The following CYB5A variants were observed in gnomAD, a reference collection of about 807,000 sequenced individuals.
CYB5A encodes cytochrome b5.
CYB5A carries 10 observed loss-of-function variants against 16.2 expected under a neutral mutation model. The ratio of observed to expected loss-of-function variants is 0.62; its 90% CI spans 0.38 to 1.04. The LOEUF (loss-of-function observed/expected upper bound fraction) is 1.04, where lower values mean the gene tolerates loss of function less well. Among genes scored for constraint, CYB5A ranks in the 50% least tolerant of loss-of-function variants. CYB5A has a pLI of 0.01. For synonymous variants in CYB5A, 62 were observed against 57.0 expected (o/e 1.09, Z -0.40); for missense variants, 161 against 165.9 (o/e 0.97, Z 0.16).
At chr18:74,274,216 T>C (rs1982780667) in intron 1 of CYB5A, among the ~76,000 whole-genome samples, 1 of 152,196 alleles carries the variant, frequency 6.6e-6, no homozygotes, top group Non-Finnish European at 1.5e-5. Context: ...GACATGATCT[T>C]GGGATGGGTT....
At chr18:74,260,705 TA>T (rs1450581220) in intron 3 of CYB5A, 8 of 641,098 alleles carry the variant, frequency 1.2e-5, no homozygotes, top group Non-Finnish European at 2.0e-5. Flanking sequence ...CTGACAGCCT[TA>T]AAAAAATTAC....
At chr18:74,284,039 C>T (rs1466629976) in intron 1 of CYB5A, among the ~76,000 whole-genome samples, 2 of 152,194 alleles carry the variant, frequency 1.3e-5, no homozygotes, top group South Asian at 4.2e-4. Context: ...TTGAGACCAA[C>T]CTGACCAACA....
At chr18:74,261,022 CT>C in intron 2 of CYB5A, 78 bp from the exon 3 acceptor site, 1 of 1,110,570 alleles carries the variant, frequency 9.0e-7, no homozygotes, top group Non-Finnish European at 1.4e-6. Context: ...GACTTTGAGA[CT>C]TTTTAAAATT....
intron 1 of CYB5A, among the ~76,000 whole-genome samples, chr18:74,279,998 T>C (rs1197661435): frequency 1.3e-5 from 2 of 152,106 alleles, no homozygotes; most frequent in Admixed American, 1.3e-4. Context: ...ATGAGTACAT[T>C]ATACCGTATG....
intron 2 of CYB5A, among the ~76,000 whole-genome samples, chr18:74,262,481 G>A (rs1003368246): frequency 3.4e-5 from 5 of 149,064 alleles, no homozygotes; most frequent in African/African-American, 1.2e-4. Context: ...GAAAAGAAAA[G>A]CCAAATTAGG....
At chr18:74,268,975 T>C (rs1261376588) in intron 1 of CYB5A, among the ~76,000 whole-genome samples, 1 of 152,216 alleles carries the variant, frequency 6.6e-6, no homozygotes, top group African/African-American at 2.4e-5. Context: ...ACCCAGGGAA[T>C]ACCAATACAA....
intron 4 of CYB5A, 58 bp downstream of exon 4, chr18:74,255,683 A>T: frequency 6.8e-7 from 1 of 1,472,090 alleles, no homozygotes; most frequent in Non-Finnish European, 9.5e-7. Context: ...CACCTTGTCC[A>T]ACCTGGACCC....
chr18:74,262,664 T>C (rs2145047006), intron 2 of CYB5A, among the ~76,000 whole-genome samples: 1 of 152,292 alleles, frequency 6.6e-6, no homozygotes, highest in Non-Finnish European at 1.5e-5. Context: ...AACTAAAATA[T>C]CCTTGGCCTA....
chr18:74,256,865 G>A (rs376476347), intron 3 of CYB5A: 5 of 1,612,426 alleles, frequency 3.1e-6, no homozygotes, highest in Non-Finnish European at 4.2e-6. Context: ...TGACACAGTA[G>A]GGGAAAAAAG....
At chr18:74,285,619 T>C (rs1983287220) in intron 1 of CYB5A, among the ~76,000 whole-genome samples, 1 of 151,950 alleles carries the variant, frequency 6.6e-6, no homozygotes, top group African/African-American at 2.4e-5. Context: ...ATCCCAGCAC[T>C]CTGGGAGGCC....
intron 1 of CYB5A, among the ~76,000 whole-genome samples, chr18:74,275,302 C>A (rs1251446336): frequency 6.6e-6 from 1 of 152,136 alleles, no homozygotes; most frequent in East Asian, 1.9e-4. Context: ...CTACATATCT[C>A]ATGTGGTTAA....
chr18:74,271,968 A>G (rs1430413368), intron 1 of CYB5A, among the ~76,000 whole-genome samples: 1 of 152,230 alleles, frequency 6.6e-6, no homozygotes, highest in East Asian at 1.9e-4. Context: ...AAAGAGATGT[A>G]GAAAGTAAAA....
At chr18:74,278,169 A>G (rs1982955662) in intron 1 of CYB5A, among the ~76,000 whole-genome samples, 1 of 152,208 alleles carries the variant, frequency 6.6e-6, no homozygotes, top group Non-Finnish European at 1.5e-5. Context: ...TGACGGAGCC[A>G]GTTAGGGGAG....
At position 74,291,854 on chromosome 18, in the gene CYB5A, C is replaced by T. The variant is rs956228194; in HGVS notation, c.22G>A (p.Ala8Thr). 1.9e-6 allele frequency: 3 copies of T among 1,613,434 alleles called. No homozygotes were observed. The highest frequency in any genetic ancestry group is 2.2e-5 in the South Asian group (2 of 91,066). The change falls in exon 1 of 5, where the codon GCC becomes ACC. Residue 8 changes from alanine (A) to threonine (T), a missense_variant. Physicochemically the swap from Ala to Thr is moderately conservative, Grantham distance 58. Transcript: ENST00000340533. MAEQSDE[A>T]VKYYTLEEIQ... The stretch of plus-strand genomic sequence containing the variant: ...TCCTCTAGGGTGTAGTACTTCACGG[C>T]CTCGTCCGACTGCTCTGCCATCTCG...
chr18:74,255,290 C>G (rs116708161), intron 4 of CYB5A, among the ~76,000 whole-genome samples: 1 of 152,086 alleles, frequency 6.6e-6, no homozygotes, highest in Admixed American at 6.6e-5. Context: ...ACAATTGAGT[C>G]GTGCTACACA....
chr18:74,263,799 A>C (rs2850586), intron 1 of CYB5A, among the ~76,000 whole-genome samples: 150,897 of 152,196 alleles, frequency 0.99, 74,820 homozygotes, highest in Middle Eastern at 1. Flanking sequence ...GCAGTCCCAG[A>C]TACATGAGAG....
Position 74,291,958 on chromosome 18 carries a change from A to C in CYB5A, c.-83T>G. On this transcript the variant is annotated 5_prime_UTR_variant, in exon 1 of 5. Transcript: ENST00000340533. ...CGCGACTCAGCCAGCTCCACCCGGG[A>C]CATTCCCCGCGCCGGGAACCCCACT... 1 of 1,596,058 alleles carries C rather than the reference A, an allele frequency of 6.3e-7. No individual in the cohort carries two copies. Among genetic ancestry groups the C allele is most frequent in the Non-Finnish European group, 8.5e-7 (1 of 1,176,370 alleles).
At chr18:74,273,842 T>G (rs1457469966) in intron 1 of CYB5A, among the ~76,000 whole-genome samples, 2 of 152,214 alleles carry the variant, frequency 1.3e-5, no homozygotes, top group East Asian at 3.8e-4. Context: ...AGAAGACACG[T>G]GGCCCACTTA....
intron 3 of CYB5A, chr18:74,257,965 G>A (rs1982053210): frequency 6.6e-6 from 1 of 152,216 alleles, no homozygotes; most frequent in South Asian, 2.1e-4. Flanking sequence ...TAAAAGTCAT[G>A]TGAATCAGTG....
Sources: allele counts gnomAD v4.1 joint callset (sites outside exome capture counted in the v4.1 genomes callset), GRCh38; gene constraint gnomAD v4.1.1; transcripts MANE v1.5; gene names NCBI Gene and HGNC (gene_info 2026-07-23, HGNC 2026-07-21).